The following SDCBP variants were observed in gnomAD, a reference collection of about 807,000 sequenced individuals.
SDCBP encodes the protein syndecan binding protein.
A neutral mutation model predicts 30.5 loss-of-function variants in SDCBP; 22 were observed. The ratio of observed to expected loss-of-function variants is 0.72; its 90% CI spans 0.52 to 1.03. SDCBP has a LOEUF of 1.03. Among genes scored for constraint, SDCBP ranks in the 50% least tolerant of loss-of-function variants. The pLI, the probability that SDCBP is intolerant of heterozygous loss-of-function variation, is 0.00. For missense variants in SDCBP, 304 were observed against 369.9 expected, an observed-to-expected ratio of 0.82 and a Z score of 1.46; for synonymous variants, 103 against 118.7, an observed-to-expected ratio of 0.87 and a Z score of 0.86.
chr8:58,568,752 T>C (rs951013099), intron 2 of SDCBP, among the ~76,000 whole-genome samples: 2 of 152,198 alleles, frequency 1.3e-5, no homozygotes, highest in African/African-American at 2.4e-5. Context: ...TGGTTCATCA[T>C]TGACCAGAAC....
At chr8:58,565,575 GAGC>G in intron 2 of SDCBP, among the ~76,000 whole-genome samples, 1 of 152,222 alleles carries the variant, frequency 6.6e-6, no homozygotes, top group Admixed American at 6.5e-5. Flanking sequence ...TTTGAGAGAT[GAGC>G]AGCAGACATT....
At chr8:58,556,621 C>T (rs1427325047) in intron 1 of SDCBP, among the ~76,000 whole-genome samples, 2 of 151,914 alleles carry the variant, frequency 1.3e-5, no homozygotes, top group Non-Finnish European at 2.9e-5. Flanking sequence ...ATTTGGAAAA[C>T]TTTGCCAGTG....
At position 58,579,701 on chromosome 8, in the gene SDCBP, A is replaced by T; in HGVS notation, c.657A>T (p.Thr219=). ...VGFIFKNGKI[T]SIVKDSSAAR... The stretch of plus-strand genomic sequence containing the variant: ...TTATCTTTAAAAATGGAAAAATAAC[A>T]TCCATAGTGAAAGATAGCTCTGCAG... The change falls in exon 7 of 9, where the codon ACA becomes ACT. Residue 219 remains threonine, a synonymous_variant. Transcript: ENST00000260130. 1 of 1,612,350 alleles carries T rather than the reference A, an allele frequency of 6.2e-7. No homozygotes were observed.
intron 3 of SDCBP, among the ~76,000 whole-genome samples, chr8:58,571,470 G>C (rs1805019300): frequency 6.6e-6 from 1 of 152,142 alleles, no homozygotes; most frequent in Admixed American, 6.6e-5. Context: ...ATTCAGGACA[G>C]AGCTCCTAAA....
intron 2 of SDCBP, 112 bp from the exon 3 acceptor site, chr8:58,570,775 A>G: frequency 1.4e-6 from 1 of 695,456 alleles, no homozygotes; most frequent in South Asian, 2.0e-5. Flanking sequence ...TTCTTACATA[A>G]ATCTTCATTG....
intron 6 of SDCBP, 117 bp downstream of exon 6, chr8:58,578,325 G>A (rs1805466013): frequency 1.4e-5 from 10 of 697,454 alleles, no homozygotes; most frequent in Non-Finnish European, 2.3e-5. Context: ...TGTTATTGAT[G>A]AGCCTTATAG....
intron 4 of SDCBP, among the ~76,000 whole-genome samples, chr8:58,573,784 T>C (rs1436651753): frequency 6.6e-6 from 1 of 152,054 alleles, no homozygotes; most frequent in Admixed American, 6.5e-5. Context: ...CCAAGTAGAG[T>C]CTAGAAGGGT....
At chr8:58,581,529 T>A (rs1805679980) in intron 8 of SDCBP, among the ~76,000 whole-genome samples, 157 bp from the exon 9 acceptor site, 2 of 152,336 alleles carry the variant, frequency 1.3e-5, no homozygotes, top group East Asian at 1.9e-4. Context: ...TTACCAGAGA[T>A]GCTTCTGGAC....
intron 1 of SDCBP, among the ~76,000 whole-genome samples, chr8:58,562,876 A>G (rs891051768): frequency 6.6e-6 from 1 of 152,188 alleles, no homozygotes; most frequent in Non-Finnish European, 1.5e-5. Context: ...GCACTGTGAG[A>G]AAAAATGAAA....
chr8:58,565,163 C>G (rs1278244049), intron 2 of SDCBP, 79 bp downstream of exon 2: 1 of 637,214 alleles, frequency 1.6e-6, no homozygotes, highest in East Asian at 3.1e-5. Context: ...AGCAAGATAG[C>G]TAAATAGCAG....
rs558515738 is a variant in SDCBP at position 58,571,130 on chromosome 8, T to C, written c.130+165T>C. On this transcript the variant is annotated intron_variant, in intron 3 of 8. Transcript: ENST00000260130. ...AAAAGTTTACTTCAAAAAATAACCC[T>C]TTTTCTAATTAAGATAGTGAACTGT... is the stretch of plus-strand genomic sequence containing the variant. 9.9e-5 allele frequency among the ~76,000 whole-genome samples: 15 copies of C among 152,206 alleles called. No individual in the cohort carries two copies. The South Asian group carries it at 3.1e-3, about 31-fold the overall frequency.
chr8:58,575,764 T>G (rs774165702), intron 4 of SDCBP, 136 bp from the exon 5 acceptor site: 5 of 689,146 alleles, frequency 7.3e-6, no homozygotes, highest in Non-Finnish European at 1.2e-5. Context: ...TTCATAGACA[T>G]CAAACTTTAT....
In SDCBP at chr8:58,573,645, C is replaced by G. The variant is rs576188439; in HGVS notation, c.240+1331C>G. ...AGTTGCAGACTGGAACCAACTGCTG[C>G]TGCCAGTGTAAAGGGCCAGGCTTAC... On this transcript the variant is annotated intron_variant, in intron 4 of 8. Transcript: ENST00000260130. Among the ~76,000 whole-genome samples, 47 of 152,274 alleles carry G rather than the reference C, an allele frequency of 3.1e-4. 1 individual carries two copies. The highest frequency in any genetic ancestry group is 2.7e-3 in the Admixed American group (42 of 15,298).
chr8:58,565,578 C>T (rs1729201093), intron 2 of SDCBP, among the ~76,000 whole-genome samples: 3 of 152,054 alleles, frequency 2.0e-5, no homozygotes, highest in Non-Finnish European at 4.4e-5. Flanking sequence ...GAGAGATGAG[C>T]AGCAGACATT....
At chr8:58,562,567 A>T (rs1419318134) in intron 1 of SDCBP, among the ~76,000 whole-genome samples, 1 of 152,170 alleles carries the variant, frequency 6.6e-6, no homozygotes, top group African/African-American at 2.4e-5. Context: ...TTCAATAACG[A>T]TGCGAAGACA....
intron 2 of SDCBP, among the ~76,000 whole-genome samples, chr8:58,567,016 T>C (rs1804737204): frequency 1.3e-5 from 2 of 152,204 alleles, no homozygotes. Flanking sequence ...ATCAGTTTCC[T>C]AATATGGTGG....
chr8:58,571,018 T>G (rs1804985892), intron 3 of SDCBP, 53 bp downstream of exon 3: 4 of 1,369,378 alleles, frequency 2.9e-6, no homozygotes, highest in Non-Finnish European at 4.1e-6. Context: ...TGTTATCTTC[T>G]TTTGCTCATA....
At chr8:58,570,547 AAAG>A (rs1299579323) in intron 2 of SDCBP, among the ~76,000 whole-genome samples, 6 of 152,130 alleles carry the variant, frequency 3.9e-5, no homozygotes, top group Admixed American at 3.9e-4. Context: ...CTAATTAGTA[AAAG>A]AATAATGAAA....
chr8:58,560,860 AAT>A (rs2129607420), intron 1 of SDCBP: 1 of 152,348 alleles, frequency 6.6e-6, no homozygotes, highest in East Asian at 1.9e-4. Flanking sequence ...CACACAAAGA[AAT>A]AGGGAAACAT....
Sources: gnomAD v4.1 joint callset for allele counts (sites outside exome capture counted in the v4.1 genomes callset) on GRCh38, gnomAD v4.1.1 for gene constraint, MANE v1.5 for transcripts, NCBI Gene and HGNC (gene_info 2026-07-23, HGNC 2026-07-21) for gene names.